ARHGAP29: variants seen among roughly 807,000 people sequenced by gnomAD.
ARHGAP29 encodes the protein rho GTPase-activating protein 29.
ARHGAP29 carries 43 observed loss-of-function variants against 122.6 expected under a neutral mutation model. The observed-to-expected ratio is 0.35, with a 90% CI of 0.27 to 0.45. ARHGAP29 has a LOEUF of 0.45. Among genes scored for constraint, ARHGAP29 ranks in the 20% least tolerant of loss-of-function variants. The pLI, the probability that ARHGAP29 is intolerant of heterozygous loss-of-function variation, is 1.00. For synonymous variants in ARHGAP29, 506 were observed against 497.1 expected (o/e 1.02, Z -0.24); for missense variants, 1,303 against 1,477.2 (o/e 0.88, Z 1.93).
chr1:94,274,313 T>A (rs984470297), intron 1 of ARHGAP29, among the ~76,000 whole-genome samples: 8 of 152,206 alleles, frequency 5.3e-5, no homozygotes, highest in Non-Finnish European at 1.0e-4. Flanking sequence ...AAGACTTAAT[T>A]TACAAAAACA....
chr1:94,275,604 G>C (rs1275256023), upstream of ARHGAP29, among the ~76,000 whole-genome samples: 9 of 152,114 alleles, frequency 5.9e-5, no homozygotes, highest in Non-Finnish European at 1.3e-4. Flanking sequence ...ATGCCTTCAG[G>C]TTCAGGACAG....
intron 2 of ARHGAP29, among the ~76,000 whole-genome samples, chr1:94,225,106 T>C (rs1022145312): frequency 1.3e-5 from 2 of 152,158 alleles, no homozygotes; most frequent in African/African-American, 4.8e-5. Flanking sequence ...CTAATAATAT[T>C]TCAGTTGGAA....
chr1:94,257,154 A>G (rs1570613822), intron 1 of ARHGAP29, among the ~76,000 whole-genome samples: 1 of 151,852 alleles, frequency 6.6e-6, no homozygotes, highest in East Asian at 2.0e-4. Flanking sequence ...CTGTAATCCC[A>G]GCACTTTGGG....
the ARHGAP29 span, among the ~76,000 whole-genome samples, chr1:94,310,644 T>C: frequency 2.4e-4 from 37 of 152,324 alleles, no homozygotes; most frequent in East Asian, 7.7e-4. Context: ...TCCAATTGAT[T>C]AATCCTACTT....
chr1:94,263,290 TA>T (rs1654631932), intron 1 of ARHGAP29, among the ~76,000 whole-genome samples: 1 of 151,714 alleles, frequency 6.6e-6, no homozygotes, highest in Non-Finnish European at 1.5e-5. Context: ...AATAAATAGG[TA>T]GTAGACGTAA....
the ARHGAP29 span, among the ~76,000 whole-genome samples, chr1:94,286,468 G>C: frequency 6.6e-6 from 1 of 152,134 alleles, no homozygotes; most frequent in Admixed American, 6.5e-5. Flanking sequence ...AGGAGTTCAA[G>C]ACCAGCCTGG....
At chr1:94,258,183 G>GT (rs1654432456) in intron 1 of ARHGAP29, among the ~76,000 whole-genome samples, 1 of 152,168 alleles carries the variant, frequency 6.6e-6, no homozygotes, top group Admixed American at 6.5e-5. Context: ...GCCCTGGACA[G>GT]TTTCAGTTAA....
the ARHGAP29 span, chr1:94,302,148 C>T: frequency 3.6e-6 from 1 of 275,668 alleles, no homozygotes; most frequent in Non-Finnish European, 7.1e-6. Flanking sequence ...ATGACCTCAA[C>T]TACATGGTCT....
In ARHGAP29 at chr1:94,190,317, T is replaced by C. The variant is rs551737850; in HGVS notation, c.1282-234A>G. The C allele has an allele frequency of 2.5e-3, 977 of 384,666 alleles. 16 individuals are homozygous for C. Among genetic ancestry groups the C allele is most frequent in the Non-Finnish European group, 2.1e-4 (47 of 218,926 alleles). The allele number at this position is 384,666 out of a possible 1,614,324, so 23.8% of individuals were successfully genotyped here. On this transcript the variant is annotated intron_variant, in intron 12 of 22. Coordinates refer to ENST00000260526, the MANE Select transcript of ARHGAP29 (RefSeq NM_004815.4). ...ATTTCCAGCAAAACTGGCTTTTAGC[T>C]GAAAAGTTCAAAAGTGACTTCAAAA...
upstream of ARHGAP29, chr1:94,275,078 C>T (rs948711228): frequency 2.5e-4 from 38 of 152,182 alleles, no homozygotes; most frequent in African/African-American, 8.9e-4. Context: ...TGAAATCTGG[C>T]TGTCTATGAG....
In ARHGAP29 at chr1:94,233,582, G is replaced by A. The variant is rs553208724; in HGVS notation, c.-32-1939C>T. ...CAAAGTATAAGTGAGAAGCTATCAT[G>A]CTCTACAAGGCTCAACATGAGATCT... On this transcript the variant is annotated intron_variant, in intron 1 of 22. Coordinates refer to ENST00000260526, the MANE Select transcript of ARHGAP29 (RefSeq NM_004815.4). 2.6e-5 allele frequency among the ~76,000 whole-genome samples: 4 copies of A among 152,236 alleles called. No homozygotes were observed. The South Asian group carries it at 8.3e-4, about 32-fold the overall frequency.
intron 2 of ARHGAP29, among the ~76,000 whole-genome samples, chr1:94,221,220 C>A (rs567561586): frequency 2.0e-5 from 3 of 152,280 alleles, no homozygotes; most frequent in African/African-American, 7.2e-5. Context: ...ATTCTAGGAT[C>A]TTCATCCCAA....
chr1:94,274,606 G>GT (rs1350151901), intron 1 of ARHGAP29, among the ~76,000 whole-genome samples: 1 of 152,178 alleles, frequency 6.6e-6, no homozygotes, highest in Non-Finnish European at 1.5e-5. Context: ...GAGAGTTATT[G>GT]TTTCCATACA....
At chr1:94,300,568 A>C in the ARHGAP29 span, among the ~76,000 whole-genome samples, 1 of 152,172 alleles carries the variant, frequency 6.6e-6, no homozygotes, top group Non-Finnish European at 1.5e-5. Context: ...AGATCCCCCC[A>C]TATACCTCTT....
chr1:94,206,144 T>C (rs1651171853), intron 5 of ARHGAP29, among the ~76,000 whole-genome samples: 1 of 152,262 alleles, frequency 6.6e-6, no homozygotes, highest in South Asian at 2.1e-4. Context: ...GATGGAAGTG[T>C]TTTATATCTG....
At chr1:94,296,512 T>C in the ARHGAP29 span, among the ~76,000 whole-genome samples, 1 of 152,234 alleles carries the variant, frequency 6.6e-6, no homozygotes, top group African/African-American at 2.4e-5. Context: ...TTTAATGCTA[T>C]CTTTGCTTTC....
Position 94,178,037 on chromosome 1 carries a change from G to C in ARHGAP29, c.2611C>G (p.Gln871Glu). Residue 871 changes from glutamine (Q) to glutamate (E), a missense_variant, in exon 21 of 23, where the codon CAA (glutamine) becomes GAA (glutamate). Coordinates refer to ENST00000260526, the MANE Select transcript of ARHGAP29 (RefSeq NM_004815.4). ...ATGAGAAACTCTACCAAGCGTGCTT[G>C]ATTTGAATACTCTGCAAGGGAGGAG... The part of the protein sequence containing the change: ...TISSLAEYSN[Q>E]ARLVEFLITY... 6.2e-7 allele frequency: 1 copy of C among 1,614,182 alleles called. No individual in the cohort carries two copies. The highest frequency in any genetic ancestry group is 8.5e-7 in the Non-Finnish European group (1 of 1,180,032).
chr1:94,185,200 A>G (rs1239339774), intron 17 of ARHGAP29, 140 bp from the exon 18 acceptor site: 59 of 1,209,006 alleles, frequency 4.9e-5, no homozygotes, highest in Non-Finnish European at 3.7e-5. Flanking sequence ...ACAACAAAAT[A>G]AAATATAAAA....
At chr1:94,247,718 C>G (rs1487565746) in intron 1 of ARHGAP29, 1 of 786,630 alleles carries the variant, frequency 1.3e-6, no homozygotes, top group Non-Finnish European at 1.5e-6. Flanking sequence ...ACCACCACCA[C>G]CACCACAGCG....
Sources: allele counts gnomAD v4.1 joint callset (sites outside exome capture counted in the v4.1 genomes callset), GRCh38; gene constraint gnomAD v4.1.1; transcripts MANE v1.5; gene names NCBI Gene and HGNC (gene_info 2026-07-23, HGNC 2026-07-21).